The following SRL variants were observed in gnomAD, a reference collection of about 807,000 sequenced individuals.
The protein encoded by SRL is sarcalumenin.
SRL carries 23 observed loss-of-function variants against 39.5 expected under a neutral mutation model. The observed-to-expected ratio is 0.58, with a 90% confidence interval of 0.42 to 0.82. The LOEUF is 0.82. Ranked by LOEUF, SRL falls within the 40% of genes least tolerant of loss-of-function variation. The pLI is 0.00. For synonymous variants in SRL, 272 were observed against 237.4 expected, an observed-to-expected ratio of 1.15 and a Z score of -1.34; for missense variants, 592 against 607.8, an observed-to-expected ratio of 0.97 and a Z score of 0.27.
chr16:4,240,334 T>TG, intron 1 of SRL, among the ~76,000 whole-genome samples: 1 of 152,108 alleles, frequency 6.6e-6, no homozygotes, highest in East Asian at 1.9e-4. Flanking sequence ...ACTGTCATGA[T>TG]GGGGGCGTGA....
At position 4,199,692 on chromosome 16, in the gene SRL, C is replaced by CTTTTTTTTT. The variant is rs201684866; in HGVS notation, c.260-1778_260-1777insAAAAAAAAA. The stretch of plus-strand genomic sequence containing the variant: ...GCCCCTCCCCATCTTCTTTTCTTTT[C>CTTTTTTTTT]CTTTTTTTTTTTTTTTTTTTTTGAG... On this transcript the variant is annotated intron_variant, in intron 3 of 5. Coordinates refer to ENST00000399609, the MANE Select transcript of SRL (RefSeq NM_001098814.2). 6.6e-4 allele frequency among the ~76,000 whole-genome samples: 73 copies of CTTTTTTTTT among 111,432 alleles called. 3 individuals carry two copies. The highest frequency in any genetic ancestry group is 2.4e-3 in the African/African-American group (70 of 29,546). The allele number at this position is 111,432 out of a possible 152,430, so 73.1% of individuals were successfully genotyped here.
chr16:4,193,016 C>A (rs112976732), intron 5 of SRL, 52 bp from the exon 6 acceptor site: 2 of 1,490,832 alleles, frequency 1.3e-6, no homozygotes, highest in Admixed American at 1.8e-5. Context: ...CCTCAAAGCC[C>A]GCGCACCTCC....
intron 4 of SRL, 71 bp from the exon 5 acceptor site, chr16:4,195,857 A>G: frequency 1.5e-6 from 2 of 1,317,600 alleles, no homozygotes; most frequent in Non-Finnish European, 2.1e-6. Context: ...AAGCATGTGT[A>G]TATGCCTGGT....
rs548403120 is a variant in SRL, at chr16:4,203,819, C to G, written c.164-558G>C. Among the ~76,000 whole-genome samples the G allele has an allele frequency of 3.3e-5, 5 of 152,378 alleles. No homozygotes were observed. In the East Asian group the frequency reaches 9.6e-4, roughly 29 times the overall value. On this transcript the variant is annotated intron_variant, in intron 2 of 5. Coordinates refer to ENST00000399609, the MANE Select transcript of SRL (RefSeq NM_001098814.2). ...AGAATTCCATCTCTGTTGCCCACCT[C>G]TGTGTGTGCTCCCTGAGGCTTAGAA...
At chr16:4,199,994 G>GC (rs149274030) in intron 3 of SRL, among the ~76,000 whole-genome samples, 17,935 of 152,106 alleles carry the variant, frequency 0.12, 3,406 homozygotes, top group African/African-American at 0.4. Flanking sequence ...CCCACACCCG[G>GC]CCCCATCTTT....
chr16:4,238,362 C>CTGT (rs2052734809), intron 1 of SRL, among the ~76,000 whole-genome samples: 1 of 152,142 alleles, frequency 6.6e-6, no homozygotes, highest in Non-Finnish European at 1.5e-5. Flanking sequence ...CAGCTGTCCC[C>CTGT]CTCCTGAGTC....
intron 1 of SRL, among the ~76,000 whole-genome samples, chr16:4,241,130 C>A (rs908450303): frequency 2.0e-5 from 3 of 152,128 alleles, no homozygotes; most frequent in African/African-American, 7.2e-5. Flanking sequence ...GGGAAGACTG[C>A]CGAGTCATGA....
At chr16:4,228,361 G>A (rs1191503494) in intron 1 of SRL, among the ~76,000 whole-genome samples, 12 of 151,652 alleles carry the variant, frequency 7.9e-5, no homozygotes, top group Admixed American at 6.6e-4. Flanking sequence ...GCTTGAACCC[G>A]GGAGGTGGAG....
intron 1 of SRL, among the ~76,000 whole-genome samples, chr16:4,218,797 G>A (rs963198153): frequency 5.9e-5 from 9 of 152,216 alleles, no homozygotes; most frequent in Admixed American, 2.0e-4. Context: ...CACAGAAGCC[G>A]GCGGTTCCCA....
intron 1 of SRL, among the ~76,000 whole-genome samples, 182 bp from the exon 2 acceptor site, chr16:4,204,816 T>C (rs1290545211): frequency 6.6e-6 from 1 of 152,246 alleles, no homozygotes; most frequent in African/African-American, 2.4e-5. Flanking sequence ...TGAAGTTCCA[T>C]GTGTAGTGTA....
chr16:4,218,492 C>T (rs1294246827), intron 1 of SRL, among the ~76,000 whole-genome samples: 3 of 152,190 alleles, frequency 2.0e-5, no homozygotes, highest in Non-Finnish European at 4.4e-5. Context: ...GCAGCCAGGG[C>T]TGAGCCACAG....
chr16:4,197,544 C>A (rs557849441), intron 4 of SRL, among the ~76,000 whole-genome samples: 12 of 149,592 alleles, frequency 8.0e-5, no homozygotes, highest in Admixed American at 6.8e-4. Flanking sequence ...GTCTCAAGTT[C>A]CTGAGTAGCT....
intron 1 of SRL, chr16:4,207,361 C>A (rs1418532642): frequency 2.2e-6 from 1 of 456,776 alleles, no homozygotes; most frequent in Non-Finnish European, 4.4e-6. Context: ...GGGCCGGGCT[C>A]CCCCTGGTCC....
intron 3 of SRL, 86 bp downstream of exon 3, chr16:4,203,080 G>A: frequency 8.4e-7 from 1 of 1,187,486 alleles, no homozygotes; most frequent in South Asian, 1.3e-5. Context: ...TACCGGGAGA[G>A]TCCAGGCCGG....
chr16:4,229,515 G>A (rs573262811), intron 1 of SRL, among the ~76,000 whole-genome samples: 4 of 152,018 alleles, frequency 2.6e-5, no homozygotes, highest in Non-Finnish European at 4.4e-5. Context: ...TATCCCAAGC[G>A]AATTAAGGCA....
chr16:4,220,147 C>T (rs1030921176), intron 1 of SRL, among the ~76,000 whole-genome samples: 2 of 152,092 alleles, frequency 1.3e-5, no homozygotes, highest in Non-Finnish European at 2.9e-5. Context: ...GGGAACCATC[C>T]TAGAAATCTC....
At chr16:4,231,610 A>T (rs1196775296) in intron 1 of SRL, among the ~76,000 whole-genome samples, 1 of 152,018 alleles carries the variant, frequency 6.6e-6, no homozygotes, top group Non-Finnish European at 1.5e-5. Context: ...GCTGCTGATT[A>T]CGTCTACCTT....
chr16:4,207,172 C>T (rs779880039), intron 1 of SRL: 4 of 456,806 alleles, frequency 8.8e-6, no homozygotes, highest in Admixed American at 4.7e-5. Context: ...CTGTCCTCTT[C>T]GGACTCCTCT....
intron 1 of SRL, among the ~76,000 whole-genome samples, chr16:4,215,532 C>T (rs1455148374): frequency 6.6e-6 from 1 of 152,094 alleles, no homozygotes; most frequent in Non-Finnish European, 1.5e-5. Context: ...AGTGCTTGTC[C>T]CAAGGCCATG....
Sources: allele counts gnomAD v4.1 joint callset (sites outside exome capture counted in the v4.1 genomes callset), GRCh38; gene constraint gnomAD v4.1.1; transcripts MANE v1.5; gene names NCBI Gene and HGNC (gene_info 2026-07-23, HGNC 2026-07-21).